The following ARHGEF3 variants were observed in gnomAD, a reference collection of about 807,000 sequenced individuals.
ARHGEF3 encodes 59.8 kDA protein.
Under a neutral mutation model 63.2 loss-of-function variants are expected in ARHGEF3, and 28 were observed. The observed-to-expected ratio is 0.44, with a 90% CI of 0.33 to 0.61. The LOEUF is 0.61. ARHGEF3 is among the 20% of genes least tolerant of loss of function. The pLI is 0.03. For synonymous variants in ARHGEF3, 266 were observed against 254.2 expected (o/e 1.05, Z -0.44); for missense variants, 533 against 659.3 (o/e 0.81, Z 2.10).
intron 4 of ARHGEF3, among the ~76,000 whole-genome samples, chr3:56,853,893 A>C (rs1479105916): frequency 6.6e-6 from 1 of 152,074 alleles, no homozygotes; most frequent in Non-Finnish European, 1.5e-5. Flanking sequence ...CTCTCAGTAG[A>C]AGTTACATAG....
At chr3:56,923,268 T>C (rs974180207) in intron 3 of ARHGEF3, among the ~76,000 whole-genome samples, 1 of 145,444 alleles carries the variant, frequency 6.9e-6, no homozygotes, top group Non-Finnish European at 1.5e-5. Flanking sequence ...TGGGCCATCA[T>C]ACTATTGTTT....
intron 3 of ARHGEF3, chr3:56,958,748 C>T (rs1700153991): frequency 3.3e-5 from 47 of 1,441,398 alleles, no homozygotes; most frequent in Non-Finnish European, 4.3e-5. Context: ...ACCCTAACAG[C>T]GTCCGTTCTG....
At chr3:56,927,811 GCAAAGGGGATAA>G (rs1188226091) in intron 3 of ARHGEF3, among the ~76,000 whole-genome samples, 3 of 152,182 alleles carry the variant, frequency 2.0e-5, no homozygotes, top group African/African-American at 7.2e-5. Context: ...CCTCATCTCT[GCAAAGGGGATAA>G]CAATAGTACT....
At chr3:56,937,203 G>A (rs768155513) in intron 3 of ARHGEF3, among the ~76,000 whole-genome samples, 5 of 152,194 alleles carry the variant, frequency 3.3e-5, no homozygotes, top group Non-Finnish European at 5.9e-5. Flanking sequence ...GGGGAAACCA[G>A]TTATAAAAGA....
intron 2 of ARHGEF3, among the ~76,000 whole-genome samples, chr3:56,971,752 G>A (rs1700921893): frequency 6.6e-6 from 1 of 152,026 alleles, no homozygotes; most frequent in Non-Finnish European, 1.5e-5. Flanking sequence ...TACTCGGGAG[G>A]CTGAGGCAGG....
intron 2 of ARHGEF3, among the ~76,000 whole-genome samples, chr3:57,013,154 G>T (rs1702778805): frequency 6.6e-6 from 1 of 152,202 alleles, no homozygotes; most frequent in Non-Finnish European, 1.5e-5. Context: ...CCCCCGCCCT[G>T]GCGGTGGGCT....
At chr3:56,945,205 G>C (rs368546925) in intron 3 of ARHGEF3, among the ~76,000 whole-genome samples, 2 of 152,148 alleles carry the variant, frequency 1.3e-5, no homozygotes, top group Admixed American at 6.5e-5. Context: ...GCAGAAGACG[G>C]GTGATTTCTG....
Position 57,000,581 on chromosome 3 carries a change from T to C in ARHGEF3, c.62+34507A>G, listed in dbSNP as rs1579058137. ...CGGAGTCTCACTCTGTCGCCCAGGCTGAAGTGCAGTGGCACAATTCGGCTC... is the reference window on the plus strand; with the variant it reads ...CGGAGTCTCACTCTGTCGCCCAGGCCGAAGTGCAGTGGCACAATTCGGCTC... On this transcript the variant is annotated intron_variant, in intron 2 of 12. Coordinates refer to the ARHGEF3 transcript ENST00000338458. Among the ~76,000 whole-genome samples the C allele has an allele frequency of 2.0e-5, 3 of 152,344 alleles. 1 individual carries two copies.
chr3:56,767,547 G>T (rs1205824842), intron 2 of ARHGEF3, among the ~76,000 whole-genome samples: 1 of 128,214 alleles, frequency 7.8e-6, no homozygotes, highest in Non-Finnish European at 1.5e-5. Flanking sequence ...TTGCGCCACT[G>T]CACTCCAGCC....
intron 2 of ARHGEF3, among the ~76,000 whole-genome samples, chr3:57,001,283 T>C (rs1269881487): frequency 1.3e-5 from 2 of 152,246 alleles, no homozygotes; most frequent in Non-Finnish European, 2.9e-5. Context: ...TTTAGACTTA[T>C]CCACGTTGAT....
chr3:56,790,645 T>C (rs1255801373), intron 1 of ARHGEF3, among the ~76,000 whole-genome samples: 2 of 152,168 alleles, frequency 1.3e-5, no homozygotes, highest in Non-Finnish European at 2.9e-5. Flanking sequence ...CCTGGGGTCG[T>C]TCTTGAAATG....
chr3:57,051,872 G>A (rs747015196), intron 1 of ARHGEF3, among the ~76,000 whole-genome samples: 20 of 152,222 alleles, frequency 1.3e-4, no homozygotes, highest in Middle Eastern at 3.4e-3. Flanking sequence ...GCTGAGACAG[G>A]AGAATCGCTT....
At chr3:57,078,451 T>C (rs542981292) in intron 1 of ARHGEF3, 1 of 152,384 alleles carries the variant, frequency 6.6e-6, no homozygotes, top group South Asian at 2.1e-4. Context: ...GTGATGGGGC[T>C]GCTGATAGTG....
At chr3:56,849,566 T>C (rs1438739551) in intron 4 of ARHGEF3, among the ~76,000 whole-genome samples, 1 of 152,110 alleles carries the variant, frequency 6.6e-6, no homozygotes, top group Non-Finnish European at 1.5e-5. Flanking sequence ...AGCTAAATGT[T>C]AGCTGCTTCC....
At chr3:56,902,048 A>C (rs2041526650) in intron 3 of ARHGEF3, among the ~76,000 whole-genome samples, 1 of 152,194 alleles carries the variant, frequency 6.6e-6, no homozygotes, top group Non-Finnish European at 1.5e-5. Flanking sequence ...ACACACTGAA[A>C]TCGCCAACAA....
chr3:56,890,462 A>G (rs1314617255), intron 3 of ARHGEF3, among the ~76,000 whole-genome samples: 2 of 152,222 alleles, frequency 1.3e-5, no homozygotes, highest in Non-Finnish European at 2.9e-5. Flanking sequence ...TACTGCGGTT[A>G]TTACCGTAAT....
chr3:56,795,033 A>AT (rs34029903), intron 1 of ARHGEF3, among the ~76,000 whole-genome samples: 119,163 of 144,734 alleles, frequency 0.82, 50,254 homozygotes, highest in Non-Finnish European at 0.92. Flanking sequence ...GAATTCTTTG[A>AT]TTTTTTTTTT....
At chr3:56,895,549 C>T (rs541430638) in intron 3 of ARHGEF3, among the ~76,000 whole-genome samples, 260 of 152,066 alleles carry the variant, frequency 1.7e-3, no homozygotes, top group Middle Eastern at 3.4e-3. Flanking sequence ...CTGCAAGCTC[C>T]GCCTCCTGGG....
chr3:57,078,181 G>A (rs1369254723), intron 1 of ARHGEF3, among the ~76,000 whole-genome samples: 2 of 152,162 alleles, frequency 1.3e-5, no homozygotes, highest in Non-Finnish European at 2.9e-5. Context: ...GGTAAGCGAA[G>A]TAACTTGCCT....
Sources: allele counts gnomAD v4.1 joint callset (sites outside exome capture counted in the v4.1 genomes callset), GRCh38; gene constraint gnomAD v4.1.1; transcripts MANE v1.5; gene names NCBI Gene and HGNC (gene_info 2026-07-23, HGNC 2026-07-21).